LRRTM3: variants seen among roughly 807,000 people sequenced by gnomAD.
LRRTM3 encodes the protein leucine-rich repeat transmembrane neuronal protein 3.
Under a neutral mutation model 44.7 loss-of-function variants are expected in LRRTM3, and 24 were observed. That is an observed-to-expected ratio of 0.54 (90% CI 0.39 to 0.76). LRRTM3 has a LOEUF of 0.76. Ranked by LOEUF, LRRTM3 falls within the 30% of genes least tolerant of loss-of-function variation. The pLI is 0.00. For synonymous variants in LRRTM3, 277 were observed against 278.7 expected (o/e 0.99, Z 0.06); for missense variants, 587 against 702.2 (o/e 0.84, Z 1.85).
At chr10:66,981,141 T>C (rs1850414345) in intron 2 of LRRTM3, among the ~76,000 whole-genome samples, 2 of 152,196 alleles carry the variant, frequency 1.3e-5, no homozygotes, top group South Asian at 4.1e-4. Context: ...TAACCTCATG[T>C]GATCCACCTA....
intron 2 of LRRTM3, among the ~76,000 whole-genome samples, chr10:66,991,696 C>T (rs1851047071): frequency 6.6e-6 from 1 of 152,124 alleles, no homozygotes; most frequent in South Asian, 2.1e-4. Context: ...GGATTAGAGG[C>T]ATGCACCAGA....
intron 2 of LRRTM3, among the ~76,000 whole-genome samples, chr10:67,076,451 A>AGACC (rs1030469861): frequency 3.9e-5 from 6 of 152,230 alleles, no homozygotes; most frequent in Admixed American, 3.3e-4. Flanking sequence ...AAATGTAGGA[A>AGACC]GACCAATACA....
chr10:67,050,505 G>A (rs1386813373), intron 2 of LRRTM3, among the ~76,000 whole-genome samples: 2 of 152,144 alleles, frequency 1.3e-5, no homozygotes, highest in Non-Finnish European at 2.9e-5. Context: ...TTAAACAGCA[G>A]GCTCTGACTG....
At chr10:66,971,654 G>A (rs959533933) in intron 2 of LRRTM3, among the ~76,000 whole-genome samples, 1 of 152,074 alleles carries the variant, frequency 6.6e-6, no homozygotes, top group Non-Finnish European at 1.5e-5. Flanking sequence ...AATGACAAAT[G>A]TCATCATTAT....
At chr10:66,970,565 T>C (rs1849666028) in intron 2 of LRRTM3, among the ~76,000 whole-genome samples, 1 of 151,906 alleles carries the variant, frequency 6.6e-6, no homozygotes, top group South Asian at 2.1e-4. Context: ...TTACATAAAT[T>C]CTAATAATGC....
chr10:67,036,705 G>A (rs1245789996), intron 2 of LRRTM3, among the ~76,000 whole-genome samples: 1 of 152,040 alleles, frequency 6.6e-6, no homozygotes, highest in African/African-American at 2.4e-5. Context: ...TAAATATCGA[G>A]GCTGTGCCCA....
At chr10:67,005,602 G>A (rs1851921132) in intron 2 of LRRTM3, among the ~76,000 whole-genome samples, 1 of 150,098 alleles carries the variant, frequency 6.7e-6, no homozygotes, top group South Asian at 2.1e-4. Flanking sequence ...GGAAAAAAAG[G>A]TATGTGGTCT....
chr10:66,926,467 T>C lies in LRRTM3; in HGVS notation c.-117T>C. On this transcript the variant is annotated 5_prime_UTR_variant, in exon 1 of 3. Transcript: ENST00000361320. Reference sequence around the variant, plus strand: ...TCCATCTCCCAAGGGGTCCAATTTTTCTTCCTGGGTGTCAGCGAGCCCTGA... The same window carrying C: ...TCCATCTCCCAAGGGGTCCAATTTTCCTTCCTGGGTGTCAGCGAGCCCTGA... 8.3e-7 allele frequency: 1 copy of C among 1,200,068 alleles called. No homozygotes were observed. The highest frequency in any genetic ancestry group is 1.3e-5 in the South Asian group (1 of 76,348). The allele number at this position is 1,200,068 out of a possible 1,614,324, so 74.3% of individuals were successfully genotyped here.
chr10:66,996,769 T>A (rs1317961950), intron 2 of LRRTM3, among the ~76,000 whole-genome samples: 1 of 150,938 alleles, frequency 6.6e-6, no homozygotes, highest in Non-Finnish European at 1.5e-5. Context: ...TTTCTAAGGG[T>A]ATGTGCAAAA....
intron 2 of LRRTM3, among the ~76,000 whole-genome samples, chr10:67,069,438 T>G (rs993145528): frequency 2.0e-5 from 3 of 152,106 alleles, no homozygotes; most frequent in African/African-American, 7.2e-5. Context: ...TTTTGAAGTA[T>G]AAGATTTTAT....
intron 2 of LRRTM3, among the ~76,000 whole-genome samples, chr10:67,056,819 G>A (rs533556183): frequency 9.2e-5 from 14 of 152,298 alleles, no homozygotes; most frequent in African/African-American, 3.4e-4. Flanking sequence ...GACAAAGTGT[G>A]TCATTTACTT....
At chr10:67,021,669 C>A (rs775041349) in intron 2 of LRRTM3, among the ~76,000 whole-genome samples, 1 of 151,432 alleles carries the variant, frequency 6.6e-6, no homozygotes, top group South Asian at 2.1e-4. Context: ...ATATATATTC[C>A]GAAAAAAATG....
intron 2 of LRRTM3, among the ~76,000 whole-genome samples, chr10:66,972,919 CAAGTTT>C (rs1183244441): frequency 1.3e-5 from 2 of 151,730 alleles, no homozygotes; most frequent in Non-Finnish European, 2.9e-5. Context: ...ACCATGTTGA[CAAGTTT>C]CATAGATTAA....
intron 2 of LRRTM3, among the ~76,000 whole-genome samples, chr10:66,962,584 T>G (rs562725273): frequency 1.3e-5 from 2 of 152,018 alleles, no homozygotes; most frequent in East Asian, 3.9e-4. Context: ...TAATTTTTTT[T>G]CTATTTTTAG....
At chr10:67,050,792 T>C (rs1170527129) in intron 2 of LRRTM3, among the ~76,000 whole-genome samples, 3 of 152,246 alleles carry the variant, frequency 2.0e-5, no homozygotes, top group Non-Finnish European at 4.4e-5. Flanking sequence ...TAGGTTGTGA[T>C]TGATGTTGAT....
intron 2 of LRRTM3, among the ~76,000 whole-genome samples, chr10:66,987,795 A>T (rs921840124): frequency 2.6e-5 from 4 of 152,192 alleles, no homozygotes; most frequent in Non-Finnish European, 5.9e-5. Flanking sequence ...AATTTGGATA[A>T]ATTTTGCAAA....
At chr10:66,950,350 A>G (rs1165517687) in intron 2 of LRRTM3, among the ~76,000 whole-genome samples, 1 of 151,486 alleles carries the variant, frequency 6.6e-6, no homozygotes, top group East Asian at 1.9e-4. Flanking sequence ...ACAGGGAGGA[A>G]AAAATCTTAC....
chr10:66,927,963 A>G lies in LRRTM3; in HGVS notation c.1047A>G (p.Val349=), dbSNP rs1228061621. 6.2e-7 allele frequency: 1 copy of G among 1,614,236 alleles called. No homozygotes were observed. Among genetic ancestry groups the G allele is most frequent in the Non-Finnish European group, 8.5e-7 (1 of 1,180,044 alleles). Residue 349 remains valine, a synonymous_variant, in exon 2 of 3, where the codon GTA becomes GTG. Transcript: ENST00000361320. This position sits in a 1 kb window ranked among gnomAD's most constrained non-coding sequence, Gnocchi z 4.7. ...CCAGTCCCAAAGAGCTGCAAGGAGT[A>G]AATGTGATCGATGCAGTGAAGAACT... The part of the protein sequence containing the change: ...ICASPKELQG[V]NVIDAVKNYS...
chr10:67,063,234 A>C (rs1441627713), intron 2 of LRRTM3, among the ~76,000 whole-genome samples: 1 of 152,228 alleles, frequency 6.6e-6, no homozygotes. Flanking sequence ...GAAGTGCTTT[A>C]TAATAACTCT....
Sources: allele counts gnomAD v4.1 joint callset (sites outside exome capture counted in the v4.1 genomes callset), GRCh38; gene constraint gnomAD v4.1.1; non-coding constraint Gnocchi (gnomAD v3.1); transcripts MANE v1.5; gene names NCBI Gene and HGNC (gene_info 2026-07-23, HGNC 2026-07-21).